Variants in MALRD1 observed in about 807,000 individuals in gnomAD.
The protein encoded by MALRD1 is MAM and LDL-receptor class A domain-containing protein 1.
A neutral mutation model predicts 242.1 loss-of-function variants in MALRD1; 247 were observed. The observed-to-expected ratio is 1.02, with a 90% CI of 0.92 to 1.13. The LOEUF is 1.13. MALRD1 is among the 50% of genes most tolerant of loss of function. The probability of loss-of-function intolerance (pLI) is 0.00; values close to 1 mark genes in which losing one functional copy is unlikely to be tolerated. For synonymous variants in MALRD1, 995 were observed against 866.6 expected (o/e 1.15, Z -2.60); for missense variants, 2,989 against 2,533.1 (o/e 1.18, Z -3.86).
intron 28 of MALRD1, among the ~76,000 whole-genome samples, chr10:19,441,322 T>G (rs568571765): frequency 6.6e-6 from 1 of 152,240 alleles, no homozygotes; most frequent in African/African-American, 2.4e-5. Context: ...TTTCTTTTGC[T>G]GTGCAGAAGC....
intron 26 of MALRD1, among the ~76,000 whole-genome samples, chr10:19,358,504 A>G (rs947904029): frequency 2.0e-5 from 3 of 152,118 alleles, no homozygotes; most frequent in African/African-American, 7.2e-5. Flanking sequence ...TGAAACCTAC[A>G]TATGCTGTTT....
rs985982226 is a variant in MALRD1, at chr10:19,531,311, G to T, written c.5438G>T (p.Trp1813Leu). The change falls in exon 32 of 40, where the codon TGG becomes TTG. Residue 1813 changes from tryptophan to leucine, a missense_variant. By Grantham distance (61) the Trp-to-Leu change is moderately conservative. Transcript: ENST00000454679. ...ASLGMCTVRF[W>L]FYMIDPRSMG... ...CTTGGAATGTGTACTGTTCGGTTCT[G>T]GTTCTACATGATTGATCCCAGGAGT... is the stretch of plus-strand genomic sequence containing the variant. The T allele has an allele frequency of 6.5e-7, 1 of 1,548,302 alleles. No individual in the cohort carries two copies. Among genetic ancestry groups the T allele is most frequent in the African/African-American group, 1.4e-5 (1 of 72,954 alleles).
chr10:19,386,607 T>C (rs1002685127), intron 26 of MALRD1, among the ~76,000 whole-genome samples: 1 of 152,106 alleles, frequency 6.6e-6, no homozygotes, highest in Non-Finnish European at 1.5e-5. Context: ...CAAAGCACTT[T>C]ATTTCCCTCA....
At chr10:19,125,369 CT>C (rs1316165514) in intron 7 of MALRD1, among the ~76,000 whole-genome samples, 1 of 114,954 alleles carries the variant, frequency 8.7e-6, no homozygotes, top group African/African-American at 3.6e-5. Context: ...TTCTTTCTTT[CT>C]TTCTTTCTTT....
intron 28 of MALRD1, among the ~76,000 whole-genome samples, chr10:19,420,140 C>G (rs1833665010): frequency 6.6e-6 from 1 of 152,126 alleles, no homozygotes; most frequent in South Asian, 2.1e-4. Context: ...ACTCGTGGCC[C>G]CTGCTGCTCT....
chr10:19,693,647 T>C (rs1376047744), intron 38 of MALRD1, among the ~76,000 whole-genome samples: 3 of 152,184 alleles, frequency 2.0e-5, no homozygotes, highest in African/African-American at 7.2e-5. Flanking sequence ...ATGGCCATGC[T>C]GCCCAAGGTA....
At chr10:19,378,350 A>G (rs1027362688) in intron 26 of MALRD1, among the ~76,000 whole-genome samples, 3 of 152,176 alleles carry the variant, frequency 2.0e-5, no homozygotes, top group Admixed American at 2.0e-4. Flanking sequence ...ATTTGGTTGA[A>G]TGAATATGTT....
chr10:19,128,090 G>A lies in MALRD1; in HGVS notation c.944-131G>A, dbSNP rs556506710. On this transcript the variant is annotated intron_variant, in intron 7 of 39. Coordinates refer to ENST00000454679, the MANE Select transcript of MALRD1 (RefSeq NM_001142308.3). ...GTAGTTGATGTAATCATTTGAAAACGCTCTATCCTTTTAAGTAAAATATTT... is the reference window on the plus strand; with the variant it reads ...GTAGTTGATGTAATCATTTGAAAACACTCTATCCTTTTAAGTAAAATATTT... The A allele has an allele frequency of 2.3e-5, 12 of 518,286 alleles. No individual in the cohort carries two copies. In the South Asian group the frequency reaches 3.2e-4, roughly 14 times the overall value. 32.1% of individuals were successfully genotyped at this position (518,286 alleles called of 1,614,324 possible). A position where few individuals can be genotyped will look rare whatever the true frequency, so the allele number is the denominator to read the frequency against.
At chr10:19,609,863 G>T in intron 35 of MALRD1, among the ~76,000 whole-genome samples, 1 of 151,948 alleles carries the variant, frequency 6.6e-6, no homozygotes, top group African/African-American at 2.4e-5. Flanking sequence ...TCATTTGAAG[G>T]AGAATTAGGA....
intron 36 of MALRD1, among the ~76,000 whole-genome samples, chr10:19,621,648 A>G (rs907453147): frequency 9.2e-5 from 14 of 151,830 alleles, no homozygotes; most frequent in African/African-American, 3.4e-4. Flanking sequence ...ATAGTAGAAC[A>G]GAACTAACAT....
At chr10:19,066,318 G>C (rs1042171064) in intron 1 of MALRD1, among the ~76,000 whole-genome samples, 2 of 152,186 alleles carry the variant, frequency 1.3e-5, no homozygotes, top group African/African-American at 4.8e-5. Context: ...CTGCATTTTT[G>C]TATGTATTGT....
At chr10:19,099,935 A>G (rs1836191188) in intron 4 of MALRD1, among the ~76,000 whole-genome samples, 1 of 151,654 alleles carries the variant, frequency 6.6e-6, no homozygotes, top group South Asian at 2.1e-4. Context: ...TAATTTTTGT[A>G]TTTTTAATTG....
At chr10:19,240,922 T>C (rs1838737752) in intron 18 of MALRD1, among the ~76,000 whole-genome samples, 1 of 152,130 alleles carries the variant, frequency 6.6e-6, no homozygotes, top group Admixed American at 6.6e-5. Flanking sequence ...CCCACTTGAT[T>C]ATAGTGAATA....
intron 28 of MALRD1, among the ~76,000 whole-genome samples, chr10:19,407,280 G>A (rs1833070200): frequency 6.6e-6 from 1 of 151,934 alleles, no homozygotes; most frequent in Non-Finnish European, 1.5e-5. Flanking sequence ...GACCACTTTG[G>A]GAAACATAGG....
intron 36 of MALRD1, among the ~76,000 whole-genome samples, chr10:19,639,296 T>A (rs1395588625): frequency 6.6e-6 from 1 of 152,162 alleles, no homozygotes; most frequent in African/African-American, 2.4e-5. Context: ...TCTAGAACAC[T>A]CCAGGATATA....
At chr10:19,293,719 G>C (rs946691813) in intron 21 of MALRD1, among the ~76,000 whole-genome samples, 2 of 152,092 alleles carry the variant, frequency 1.3e-5, no homozygotes, top group African/African-American at 4.8e-5. Flanking sequence ...ACTCTTGGAC[G>C]CAAAGAAGGG....
chr10:19,423,040 G>A (rs1247955253), intron 28 of MALRD1, among the ~76,000 whole-genome samples: 1 of 152,160 alleles, frequency 6.6e-6, no homozygotes, highest in Non-Finnish European at 1.5e-5. Context: ...CCTGTCCTAT[G>A]CTGTCAGGTT....
intron 28 of MALRD1, among the ~76,000 whole-genome samples, chr10:19,409,184 G>T (rs979174467): frequency 6.6e-6 from 1 of 152,086 alleles, no homozygotes; most frequent in Non-Finnish European, 1.5e-5. Context: ...GCAACAACCT[G>T]GATGAATCAC....
intron 5 of MALRD1, among the ~76,000 whole-genome samples, chr10:19,117,984 A>G (rs922850762): frequency 6.6e-6 from 1 of 152,206 alleles, no homozygotes; most frequent in African/African-American, 2.4e-5. Context: ...CAAGCTTACA[A>G]TTTAGTCAGG....
Sources: allele counts gnomAD v4.1 joint callset (sites outside exome capture counted in the v4.1 genomes callset), GRCh38; gene constraint gnomAD v4.1.1; transcripts MANE v1.5; gene names NCBI Gene and HGNC (gene_info 2026-07-23, HGNC 2026-07-21).